Variants in PRIM2 observed in about 807,000 individuals in gnomAD.
PRIM2 encodes DNA primase subunit 2, also known as DNA primase large subunit.
Under a neutral mutation model 67.3 loss-of-function variants are expected in PRIM2, and 39 were observed. That is an observed-to-expected ratio of 0.58 (90% CI 0.45 to 0.76). The LOEUF (loss-of-function observed/expected upper bound fraction) is 0.76, where lower values mean the gene tolerates loss of function less well. Ranked by LOEUF, PRIM2 falls within the 30% of genes least tolerant of loss-of-function variation. The probability of loss-of-function intolerance (pLI) is 0.00; values close to 1 mark genes in which losing one functional copy is unlikely to be tolerated. For synonymous variants in PRIM2, 143 were observed against 198.7 expected (o/e 0.72, Z 2.36); for missense variants, 398 against 598.7 (o/e 0.66, Z 3.50).
intron 5 of PRIM2, among the ~76,000 whole-genome samples, chr6:57,365,223 A>G (rs1394994600): frequency 6.7e-6 from 1 of 149,500 alleles, no homozygotes; most frequent in Non-Finnish European, 1.5e-5. Context: ...AACTGTCAGG[A>G]AAGATGATTT....
intron 7 of PRIM2, among the ~76,000 whole-genome samples, chr6:57,494,612 A>C (rs1199272140): frequency 6.6e-6 from 1 of 152,158 alleles, no homozygotes; most frequent in Non-Finnish European, 1.5e-5. Flanking sequence ...GTGTCATTTG[A>C]AACTTCTATG....
chr6:57,245,766 G>T, the PRIM2 span, among the ~76,000 whole-genome samples: 1 of 152,178 alleles, frequency 6.6e-6, no homozygotes, highest in African/African-American at 2.4e-5. Flanking sequence ...AGATGTAAAG[G>T]TTCTGATGCC....
the PRIM2 span, among the ~76,000 whole-genome samples, chr6:57,223,761 T>A: frequency 6.6e-6 from 1 of 152,024 alleles, no homozygotes; most frequent in Non-Finnish European, 1.5e-5. Context: ...CTCAAAACCA[T>A]GAGATACAAC....
chr6:57,345,099 G>A (rs1055012009), intron 5 of PRIM2, among the ~76,000 whole-genome samples: 1 of 148,716 alleles, frequency 6.7e-6, no homozygotes, highest in Non-Finnish European at 1.5e-5. Context: ...ATGAGCTGAA[G>A]TTTCCCCCAC....
intron 5 of PRIM2, among the ~76,000 whole-genome samples, chr6:57,353,180 G>A (rs192732166): frequency 9.6e-5 from 14 of 146,568 alleles, no homozygotes; most frequent in Middle Eastern, 3.3e-3. Context: ...GGATTTTTCC[G>A]GTCAGTGAAC....
At chr6:57,485,105 G>A (rs1355519641) in intron 7 of PRIM2, among the ~76,000 whole-genome samples, 4 of 152,166 alleles carry the variant, frequency 2.6e-5, no homozygotes, top group African/African-American at 9.7e-5. Flanking sequence ...ATATGGGTTA[G>A]TTAGGTGGGA....
chr6:57,450,701 A>G (rs1415586334), intron 7 of PRIM2, among the ~76,000 whole-genome samples: 6 of 152,240 alleles, frequency 3.9e-5, no homozygotes, highest in Non-Finnish European at 8.8e-5. Context: ...GCATGAATGC[A>G]TGCAGTAAGT....
At chr6:57,642,309 T>C (rs1205145942) in intron 13 of PRIM2, among the ~76,000 whole-genome samples, 28,182 of 151,840 alleles carry the variant, frequency 0.19, 2,726 homozygotes, top group African/African-American at 0.24. Context: ...CAAACCACCA[T>C]GGCATGTGTA....
the PRIM2 span, among the ~76,000 whole-genome samples, chr6:57,277,216 G>C: frequency 6.6e-6 from 1 of 152,238 alleles, no homozygotes; most frequent in Admixed American, 6.5e-5. Context: ...CCTTTCAAAA[G>C]GGGCAGGTCC....
chr6:57,541,972 G>A (rs1476837323), intron 10 of PRIM2, among the ~76,000 whole-genome samples: 1 of 127,888 alleles, frequency 7.8e-6, no homozygotes. Flanking sequence ...GTTGTGTTTT[G>A]GTTTTTTTTT....
chr6:57,515,411 A>T (rs1213681718), intron 8 of PRIM2, among the ~76,000 whole-genome samples: 2 of 152,360 alleles, frequency 1.3e-5, no homozygotes, highest in African/African-American at 2.4e-5. Flanking sequence ...AAGAACAAAG[A>T]ACAGCAGCAG....
chr6:57,313,196 C>T (rs143288547), upstream of PRIM2, among the ~76,000 whole-genome samples: 102 of 152,354 alleles, frequency 6.7e-4, 3 homozygotes, highest in South Asian at 5.8e-3. Context: ...CATTCTTAGC[C>T]AGCCTTTCCT....
intron 8 of PRIM2, among the ~76,000 whole-genome samples, chr6:57,510,391 A>G (rs1428777951): frequency 1.3e-5 from 2 of 152,182 alleles, no homozygotes; most frequent in Non-Finnish European, 2.9e-5. Flanking sequence ...TAAAGGGTAG[A>G]ATCTAGCTTT....
chr6:57,299,794 C>T, the PRIM2 span, among the ~76,000 whole-genome samples: 1 of 152,124 alleles, frequency 6.6e-6, no homozygotes, highest in Admixed American at 6.5e-5. Flanking sequence ...GTGATTTTAC[C>T]TAAGTTGAGG....
intron 10 of PRIM2, among the ~76,000 whole-genome samples, chr6:57,543,386 G>A (rs1399884439): frequency 2.0e-5 from 3 of 152,144 alleles, no homozygotes; most frequent in East Asian, 1.9e-4. Flanking sequence ...GAAAAATGAT[G>A]TGGTAACAGT....
At chr6:57,237,947 C>T in the PRIM2 span, among the ~76,000 whole-genome samples, 78 of 151,928 alleles carry the variant, frequency 5.1e-4, no homozygotes, top group Middle Eastern at 3.4e-3. Flanking sequence ...AAACCAATGA[C>T]GATCAAAAGA....
chr6:57,339,175 A>G (rs1360064793), intron 5 of PRIM2, among the ~76,000 whole-genome samples: 1 of 152,266 alleles, frequency 6.6e-6, no homozygotes, highest in East Asian at 1.9e-4. Context: ...TTCAAGGAGA[A>G]CTACAAACCA....
chr6:57,315,911 G>T (rs1195371414), upstream of PRIM2, among the ~76,000 whole-genome samples: 2 of 152,038 alleles, frequency 1.3e-5, no homozygotes, highest in Non-Finnish European at 2.9e-5. Context: ...GTTTTTTCAG[G>T]CAGTTTATAT....
chr6:57,458,246 AAAAACATCATGCAT>A (rs1772874782), intron 7 of PRIM2, among the ~76,000 whole-genome samples: 1 of 152,218 alleles, frequency 6.6e-6, no homozygotes, highest in Admixed American at 6.5e-5. Flanking sequence ...CATTGCAGAA[AAAAACATCATGCAT>A]GTGTACAGCT....
Sources: gnomAD v4.1 joint callset for allele counts (sites outside exome capture counted in the v4.1 genomes callset) on GRCh38, gnomAD v4.1.1 for gene constraint, MANE v1.5 for transcripts, NCBI Gene and HGNC (gene_info 2026-07-23, HGNC 2026-07-21) for gene names.